The following CARMIL1 variants were observed in gnomAD, a reference collection of about 807,000 sequenced individuals.
The protein encoded by CARMIL1 is capping protein regulator and myosin 1 linker 1, also known as F-actin-uncapping protein LRRC16A.
In CARMIL1, 90 loss-of-function variants were observed where a neutral mutation model predicts 177.1. That is an observed-to-expected ratio of 0.51 (90% CI 0.43 to 0.61). CARMIL1 has a LOEUF of 0.61. Among genes scored for constraint, CARMIL1 ranks in the 20% least tolerant of loss-of-function variants. CARMIL1 has a pLI of 0.00. For missense variants in CARMIL1, 1,380 were observed against 1,667.0 expected (o/e 0.83, Z 3.00); for synonymous variants, 577 against 606.2 (o/e 0.95, Z 0.71).
At chr6:25,408,569 T>C (rs1377058807) in intron 2 of CARMIL1, among the ~76,000 whole-genome samples, 1 of 152,204 alleles carries the variant, frequency 6.6e-6, no homozygotes, top group East Asian at 1.9e-4. Context: ...TGTGATCCCA[T>C]ATTTTACAGA....
intron 24 of CARMIL1, among the ~76,000 whole-genome samples, chr6:25,530,941 T>A (rs1349273437): frequency 6.6e-6 from 1 of 152,154 alleles, no homozygotes. Flanking sequence ...TAGACAAGAA[T>A]GGCAAGCTTA....
intron 5 of CARMIL1, among the ~76,000 whole-genome samples, chr6:25,436,121 T>G (rs1414601179): frequency 6.6e-6 from 1 of 152,220 alleles, no homozygotes; most frequent in Non-Finnish European, 1.5e-5. Context: ...TAAATTTCGT[T>G]CATCCATGCC....
In CARMIL1 at chr6:25,462,604, G is replaced by A. The variant is rs529132663; in HGVS notation, c.615-3269G>A. On this transcript the variant is annotated intron_variant, in intron 8 of 36. Coordinates refer to ENST00000329474, the MANE Select transcript of CARMIL1 (RefSeq NM_017640.6). The stretch of plus-strand genomic sequence containing the variant: ...GCTCAGGTTCCCCATGCTGTTGTAC[G>A]TGCTATTCCTAATTTCTTAAAATAC... Among the ~76,000 whole-genome samples, 17 of 152,232 alleles carry A rather than the reference G, an allele frequency of 1.1e-4. No individual in the cohort carries two copies. The East Asian group carries it at 1.5e-3, about 14-fold the overall frequency.
intron 15 of CARMIL1, among the ~76,000 whole-genome samples, chr6:25,492,823 T>C (rs1803368673): frequency 6.6e-6 from 1 of 152,208 alleles, no homozygotes; most frequent in Non-Finnish European, 1.5e-5. Flanking sequence ...CTTTATTCCA[T>C]AACTGTGCCT....
At chr6:25,342,311 T>G (rs748439266) in intron 2 of CARMIL1, among the ~76,000 whole-genome samples, 1 of 152,186 alleles carries the variant, frequency 6.6e-6, no homozygotes, top group African/African-American at 2.4e-5. Context: ...TCAGAGAGGA[T>G]GGGAGTGACT....
At chr6:25,374,073 T>C (rs1790737052) in intron 2 of CARMIL1, among the ~76,000 whole-genome samples, 1 of 152,206 alleles carries the variant, frequency 6.6e-6, no homozygotes, top group South Asian at 2.1e-4. Flanking sequence ...TTCTGCTAGC[T>C]TTGGGTTTGG....
intron 22 of CARMIL1, among the ~76,000 whole-genome samples, chr6:25,518,225 A>T (rs1806202028): frequency 6.6e-6 from 1 of 152,204 alleles, no homozygotes; most frequent in East Asian, 1.9e-4. Flanking sequence ...CTCATGCCTG[A>T]CATGGTGTTG....
At chr6:25,415,816 G>T (rs1562107277) in intron 2 of CARMIL1, among the ~76,000 whole-genome samples, 1 of 152,086 alleles carries the variant, frequency 6.6e-6, no homozygotes, top group African/African-American at 2.4e-5. Flanking sequence ...CTTGCAAAAG[G>T]AATAAATAAA....
chr6:25,368,760 C>G (rs1350595559), intron 2 of CARMIL1, among the ~76,000 whole-genome samples: 1 of 152,166 alleles, frequency 6.6e-6, no homozygotes, highest in South Asian at 2.1e-4. Context: ...TGAGATTTTA[C>G]ATGTCTACAC....
intron 4 of CARMIL1, among the ~76,000 whole-genome samples, chr6:25,428,569 G>A (rs1025518934): frequency 1.3e-5 from 2 of 152,142 alleles, no homozygotes; most frequent in African/African-American, 4.8e-5. Flanking sequence ...AAAGCTTGCT[G>A]GAATTTTGGC....
At chr6:25,444,188 A>G (rs1291290349) in intron 5 of CARMIL1, among the ~76,000 whole-genome samples, 2 of 152,134 alleles carry the variant, frequency 1.3e-5, no homozygotes, top group Admixed American at 6.6e-5. Flanking sequence ...GTGGCATGCA[A>G]TGCTGTTTGA....
chr6:25,378,792 G>GA (rs36039602), intron 2 of CARMIL1, among the ~76,000 whole-genome samples: 64,025 of 150,754 alleles, frequency 0.42, 14,219 homozygotes, highest in African/African-American at 0.54. Context: ...GTTTTTTCCT[G>GA]AAAAAAAAAT....
chr6:25,552,953 T>C (rs1474958409), intron 27 of CARMIL1, among the ~76,000 whole-genome samples: 4 of 152,154 alleles, frequency 2.6e-5, no homozygotes, highest in African/African-American at 9.7e-5. Flanking sequence ...CTCTGGGGAA[T>C]AGTAAAGTAT....
At chr6:25,441,178 G>T (rs2150793861) in intron 5 of CARMIL1, among the ~76,000 whole-genome samples, 1 of 152,014 alleles carries the variant, frequency 6.6e-6, no homozygotes, top group East Asian at 1.9e-4. Flanking sequence ...GCTGGGTGTG[G>T]TGGTATATGC....
chr6:25,580,102 G>A (rs965924653), intron 29 of CARMIL1, among the ~76,000 whole-genome samples: 2 of 152,082 alleles, frequency 1.3e-5, no homozygotes, highest in African/African-American at 4.8e-5. Context: ...CCTCCTCACT[G>A]GGTTCTGTCC....
At chr6:25,490,219 T>C (rs1169254406) in intron 13 of CARMIL1, among the ~76,000 whole-genome samples, 3 of 152,114 alleles carry the variant, frequency 2.0e-5, no homozygotes, top group Non-Finnish European at 1.5e-5. Context: ...TGGAGAAGTG[T>C]GGCCAAATAG....
intron 2 of CARMIL1, among the ~76,000 whole-genome samples, chr6:25,413,538 C>T (rs1327746121): frequency 6.6e-6 from 1 of 152,184 alleles, no homozygotes; most frequent in African/African-American, 2.4e-5. Context: ...CTCTGCTAAA[C>T]TGTGAGTCTT....
At chr6:25,447,485 A>G (rs1259609762) in intron 5 of CARMIL1, among the ~76,000 whole-genome samples, 1 of 152,222 alleles carries the variant, frequency 6.6e-6, no homozygotes, top group Non-Finnish European at 1.5e-5. Flanking sequence ...GACTGAGAGC[A>G]TTGTATGTAG....
chr6:25,598,830 A>G (rs1385244639), intron 32 of CARMIL1, among the ~76,000 whole-genome samples: 16 of 152,104 alleles, frequency 1.1e-4, no homozygotes, highest in Admixed American at 1.0e-3. Flanking sequence ...TTCCTGGACC[A>G]TTTTGTTGCG....
Sources: allele counts gnomAD v4.1 joint callset (sites outside exome capture counted in the v4.1 genomes callset), GRCh38; gene constraint gnomAD v4.1.1; transcripts MANE v1.5; gene names NCBI Gene and HGNC (gene_info 2026-07-23, HGNC 2026-07-21).